Variants in SYT2 observed in about 807,000 individuals in gnomAD.
SYT2 encodes the protein synaptotagmin-2.
A neutral mutation model predicts 39.9 loss-of-function variants in SYT2; 15 were observed. That is an observed-to-expected ratio of 0.38 (90% CI 0.25 to 0.58). The LOEUF (loss-of-function observed/expected upper bound fraction) is 0.58. Ranked by LOEUF, SYT2 falls within the 20% of genes least tolerant of loss-of-function variation. The pLI is 0.70. For synonymous variants in SYT2, 181 were observed against 204.5 expected, an observed-to-expected ratio of 0.89 and a Z score of 0.98; for missense variants, 389 against 530.3, an observed-to-expected ratio of 0.73 and a Z score of 2.62.
At chr1:202,608,282 C>CTT (rs754166760) in intron 1 of SYT2, among the ~76,000 whole-genome samples, 81 of 113,472 alleles carry the variant, frequency 7.1e-4, no homozygotes, top group South Asian at 2.7e-3. Flanking sequence ...AGATAGAAAA[C>CTT]ATTTTTTTTT....
chr1:202,676,570 A>C (rs1653379912), intron 1 of SYT2, among the ~76,000 whole-genome samples: 1 of 152,206 alleles, frequency 6.6e-6, no homozygotes, highest in Admixed American at 6.5e-5. Flanking sequence ...CAACCGGCTC[A>C]GCTTTTTGGA....
intron 1 of SYT2, among the ~76,000 whole-genome samples, chr1:202,674,422 T>G: frequency 6.6e-6 from 1 of 152,188 alleles, no homozygotes; most frequent in East Asian, 1.9e-4. Context: ...TAATTATGCA[T>G]ATACCCCAGT....
intron 8 of SYT2, among the ~76,000 whole-genome samples, chr1:202,598,893 A>T (rs986797789): frequency 5.3e-5 from 8 of 151,488 alleles, no homozygotes; most frequent in African/African-American, 1.9e-4. Flanking sequence ...GGCAGCGGCC[A>T]CTCCCACCCT....
chr1:202,622,381 C>T lies in SYT2; in HGVS notation c.-17-16592G>A, dbSNP rs1020858474. On this transcript the variant is annotated intron_variant, in intron 1 of 8. Coordinates refer to ENST00000367268, the MANE Select transcript of SYT2 (RefSeq NM_177402.5). Reference sequence around the variant, plus strand: ...CTTGGTCAGTGCATGCACACCTCCACTTTGGAGCGAGGTTGTCATTCCGCA... The same window carrying T: ...CTTGGTCAGTGCATGCACACCTCCATTTTGGAGCGAGGTTGTCATTCCGCA... Among the ~76,000 whole-genome samples, 7 of 152,202 alleles carry T rather than the reference C, an allele frequency of 4.6e-5. No homozygotes were observed. In the South Asian group the frequency reaches 8.3e-4, roughly 18 times the overall value.
At position 202,592,508 on chromosome 1, in the gene SYT2, T is replaced by C; in HGVS notation, c.*4249A>G. On this transcript the variant is annotated 3_prime_UTR_variant, in exon 9 of 9. Transcript: ENST00000367268. ...TGGGGATCAAGGGGACTCTCAGCAT[T>C]GCCATGCGGCTATTTACAGAAAGTT... 6.6e-6 allele frequency: 1 copy of C among 152,238 alleles called. No homozygotes were observed. The highest frequency in any genetic ancestry group is 1.5e-5 in the Non-Finnish European group (1 of 68,040). The allele number at this position is 152,238 out of a possible 1,614,324, so 9.4% of individuals were successfully genotyped here. A position where few individuals can be genotyped will look rare whatever the true frequency, so the allele number is the denominator to read the frequency against.
At chr1:202,610,415 G>C (rs895986747) in intron 1 of SYT2, among the ~76,000 whole-genome samples, 1 of 152,184 alleles carries the variant, frequency 6.6e-6, no homozygotes, top group Non-Finnish European at 1.5e-5. Flanking sequence ...ACTGGCACAA[G>C]ACAGGGATGC....
In SYT2 at chr1:202,614,739, G is replaced by A. The variant is rs1690985512; in HGVS notation, c.-17-8950C>T. The stretch of plus-strand genomic sequence containing the variant: ...AGGAGATGAAAGGGCAGCCTAGGCA[G>A]AGAGCACAGCCTATGCAAAGGCCCA... On this transcript the variant is annotated intron_variant, in intron 1 of 8. Coordinates refer to ENST00000367268, the MANE Select transcript of SYT2 (RefSeq NM_177402.5). This position sits in a 1 kb window ranked among gnomAD's most constrained non-coding sequence, Gnocchi z 4.0. Among the ~76,000 whole-genome samples, 1 of 152,222 alleles carries A rather than the reference G, an allele frequency of 6.6e-6. No individual in the cohort carries two copies. The highest frequency in any genetic ancestry group is 2.1e-4 in the South Asian group (1 of 4,834).
At chr1:202,666,818 C>T (rs765988481) in intron 1 of SYT2, among the ~76,000 whole-genome samples, 5 of 152,136 alleles carry the variant, frequency 3.3e-5, no homozygotes, top group Non-Finnish European at 7.4e-5. Context: ...CCCGTCTCTA[C>T]CAGAAATACA....
intron 1 of SYT2, among the ~76,000 whole-genome samples, chr1:202,709,045 C>T (rs2102183872): frequency 6.6e-6 from 1 of 152,234 alleles, no homozygotes; most frequent in East Asian, 1.9e-4. Context: ...GAGAAGGGCA[C>T]CCTTTTGCTT....
intron 1 of SYT2, among the ~76,000 whole-genome samples, chr1:202,707,505 C>G (rs1427450407): frequency 6.6e-6 from 1 of 152,154 alleles, no homozygotes; most frequent in Non-Finnish European, 1.5e-5. Flanking sequence ...TGGGGAAGTC[C>G]ACAGAGCAAA....
intron 1 of SYT2, among the ~76,000 whole-genome samples, chr1:202,670,786 T>C (rs1202344374): frequency 6.6e-6 from 1 of 152,252 alleles, no homozygotes; most frequent in African/African-American, 2.4e-5. Flanking sequence ...GGGTCATTGC[T>C]CTGTATTAAA....
chr1:202,649,612 G>A lies in SYT2; in HGVS notation c.-17-43823C>T, dbSNP rs576753500. On this transcript the variant is annotated intron_variant, in intron 1 of 8. Coordinates refer to ENST00000367268, the MANE Select transcript of SYT2 (RefSeq NM_177402.5). ...GATGCAGGATCTGAACCTCATCATC[G>A]CCTCCTGAGGCCGCACTCCAAACCC... is the stretch of plus-strand genomic sequence containing the variant. Among the ~76,000 whole-genome samples the A allele has an allele frequency of 6.8e-4, 103 of 152,220 alleles. 2 individuals are homozygous for A. The highest frequency in any genetic ancestry group is 8.2e-4 in the Non-Finnish European group (56 of 68,020).
At chr1:202,685,574 A>T (rs1572678862) in intron 1 of SYT2, among the ~76,000 whole-genome samples, 2 of 152,094 alleles carry the variant, frequency 1.3e-5, no homozygotes, top group East Asian at 3.9e-4. Flanking sequence ...AATTCACCGC[A>T]TCACCCCACC....
At chr1:202,684,111 TATATATA>T (rs1653597513) in intron 1 of SYT2, among the ~76,000 whole-genome samples, 1 of 152,164 alleles carries the variant, frequency 6.6e-6, no homozygotes. Context: ...TTAATATACA[TATATATA>T]GTGAAATCAT....
chr1:202,620,263 C>T (rs1691168099), intron 1 of SYT2, among the ~76,000 whole-genome samples: 1 of 152,178 alleles, frequency 6.6e-6, no homozygotes, highest in African/African-American at 2.4e-5. Context: ...TGCAAGTGGC[C>T]CCAGGGCTGG....
At chr1:202,688,654 T>C (rs1188971515) in intron 1 of SYT2, among the ~76,000 whole-genome samples, 1 of 152,160 alleles carries the variant, frequency 6.6e-6, no homozygotes, top group Non-Finnish European at 1.5e-5. Context: ...AAGAGAGAGA[T>C]CTGCAGCCCA....
At chr1:202,626,881 G>A (rs1213719687) in intron 1 of SYT2, among the ~76,000 whole-genome samples, 1 of 152,236 alleles carries the variant, frequency 6.6e-6, no homozygotes, top group Non-Finnish European at 1.5e-5. Context: ...CCGAGGATCA[G>A]GTGCCTGTCT....
At chr1:202,653,625 C>T (rs1692229916) in intron 1 of SYT2, among the ~76,000 whole-genome samples, 1 of 152,196 alleles carries the variant, frequency 6.6e-6, no homozygotes, top group Admixed American at 6.5e-5. Context: ...TATCTCCAAG[C>T]CCACTCCCCA....
Position 202,599,457 on chromosome 1 carries a change from C to A in SYT2, c.920-106G>T. 1 of 1,317,348 alleles carries A rather than the reference C, an allele frequency of 7.6e-7. No individual in the cohort carries two copies. Among genetic ancestry groups the A allele is most frequent in the Non-Finnish European group, 1.0e-6 (1 of 977,580 alleles). The allele number at this position is 1,317,348 out of a possible 1,614,324, so 81.6% of individuals were successfully genotyped here. ...AGCATCGGTCAAGAGGGGGTCTTCA[C>A]TCCGCTGAGACCAGGCCCTCAGAAA... On this transcript the variant is annotated intron_variant, in intron 7 of 8. Transcript: ENST00000367268. This position sits in a 1 kb window ranked among gnomAD's most constrained non-coding sequence, Gnocchi z 4.4.
Sources: allele counts gnomAD v4.1 joint callset (sites outside exome capture counted in the v4.1 genomes callset), GRCh38; gene constraint gnomAD v4.1.1; non-coding constraint Gnocchi (gnomAD v3.1); transcripts MANE v1.5; gene names NCBI Gene and HGNC (gene_info 2026-07-23, HGNC 2026-07-21).